Variants in IL3RA observed in about 807,000 individuals in gnomAD.
The protein encoded by IL3RA is interleukin-3 receptor subunit alpha.
A neutral mutation model predicts 52.3 loss-of-function variants in IL3RA; 73 were observed. That is an observed-to-expected ratio of 1.40 (90% CI 1.16 to 1.70). The LOEUF (loss-of-function observed/expected upper bound fraction) is 1.70. Ranked by LOEUF, IL3RA falls within the 40% of genes most tolerant of loss-of-function variation. The probability of loss-of-function intolerance (pLI) is 0.00; values close to 1 mark genes in which losing one functional copy is unlikely to be tolerated. For synonymous variants in IL3RA, 260 were observed against 194.0 expected (o/e 1.34, Z -2.83); for missense variants, 664 against 504.4 (o/e 1.32, Z -3.03).
Position 1,352,248 on chromosome X carries a change from G to A in IL3RA, c.431+16G>A. 1 of 1,613,392 alleles carries A rather than the reference G, an allele frequency of 6.2e-7. No individual in the cohort carries two copies. Among genetic ancestry groups the A allele is most frequent in the Non-Finnish European group, 8.5e-7 (1 of 1,179,542 alleles). The stretch of plus-strand genomic sequence containing the variant: ...ACGTTGCCAAGTAGGTGTGCCCGTG[G>A]GCAGAGGCCGGGCTGTCCCTGGTGC... On this transcript the variant is annotated intron_variant, in intron 5 of 11. Coordinates refer to ENST00000331035, the MANE Select transcript of IL3RA (RefSeq NM_002183.4).
rs746356787 is a variant in IL3RA at position 1,348,426 on chromosome X, C to G, written c.184-5C>G. ...GCAGCCATCATAGTCCTATGTCTCT[C>G]TTAGGCAGTGAACAATAGCTATTGC... On this transcript the variant is annotated splice_region_variant and splice_polypyrimidine_tract_variant and intron_variant, in intron 3 of 11. Coordinates refer to ENST00000331035, the MANE Select transcript of IL3RA (RefSeq NM_002183.4). 26 of 1,603,938 alleles carry G rather than the reference C, an allele frequency of 1.6e-5. No homozygotes were observed. Among genetic ancestry groups the G allele is most frequent in the Admixed American group, 3.3e-5 (2 of 59,954 alleles).
At chrX:1,354,128 T>A (rs1253521901) in intron 6 of IL3RA, among the ~76,000 whole-genome samples, 2 of 150,864 alleles carry the variant, frequency 1.3e-5, no homozygotes, top group Admixed American at 6.6e-5. Flanking sequence ...CCATCATGGG[T>A]CATGGGAGCC....
intron 2 of IL3RA, among the ~76,000 whole-genome samples, chrX:1,343,994 C>G (rs1407854850): frequency 1.3e-5 from 2 of 151,878 alleles, no homozygotes; most frequent in African/African-American, 2.4e-5. Context: ...CGGGGTTTCA[C>G]CGTGTTAGCC....
intron 8 of IL3RA, among the ~76,000 whole-genome samples, chrX:1,359,669 C>T (rs1477759256): frequency 2.0e-5 from 3 of 147,350 alleles, no homozygotes; most frequent in Non-Finnish European, 3.0e-5. Flanking sequence ...TCTCCCGCTC[C>T]GTGTCTGTCT....
At chrX:1,349,000 C>A (rs2085953198) in intron 4 of IL3RA, among the ~76,000 whole-genome samples, 1 of 149,124 alleles carries the variant, frequency 6.7e-6, no homozygotes, top group African/African-American at 2.5e-5. Context: ...CCTCCCCTCC[C>A]TTCCCCTCCT....
At chrX:1,377,594 C>T (rs1429971741) in intron 9 of IL3RA, among the ~76,000 whole-genome samples, 1 of 151,966 alleles carries the variant, frequency 6.6e-6, no homozygotes, top group African/African-American at 2.4e-5. Context: ...TATGGCAGTC[C>T]CAGCAGACAG....
In IL3RA at chrX:1,356,336, G is replaced by A. The variant is rs765810245; in HGVS notation, c.732G>A (p.Lys244=). The change falls in exon 7 of 12, where the codon AAG becomes AAA. Residue 244 remains lysine (K), a splice_region_variant and synonymous_variant. Transcript: ENST00000331035. The part of the protein sequence containing the change: ...RKFRYELQIQ[K]RMQPVITEQV... ...TTCGCTATGAGCTTCAGATACAAAAGGTAAACTTTCACCCCGCCCCCAGCC... is the reference window on the plus strand; with the variant it reads ...TTCGCTATGAGCTTCAGATACAAAAAGTAAACTTTCACCCCGCCCCCAGCC... 3.1e-6 allele frequency: 5 copies of A among 1,604,456 alleles called. No homozygotes were observed. Among genetic ancestry groups the A allele is most frequent in the South Asian group, 1.1e-5 (1 of 90,850 alleles).
intron 8 of IL3RA, among the ~76,000 whole-genome samples, chrX:1,359,917 C>G (rs1466115971): frequency 6.7e-6 from 1 of 150,274 alleles, no homozygotes; most frequent in African/African-American, 2.5e-5. Flanking sequence ...CTGTCTCTCC[C>G]TGTGTCTATC....
rs191138882 is a variant in IL3RA at position 1,344,316 on chromosome X, C to G, written c.65-1000C>G. Among the ~76,000 whole-genome samples the G allele has an allele frequency of 4.0e-5, 6 of 151,120 alleles. No homozygotes were observed. In the East Asian group the frequency reaches 1.2e-3, roughly 30 times the overall value. ...GAGTGTGGTGGCAGGCACCTGTTAT[C>G]CCAGCTGCACAGCAGGCTGACACAG... On this transcript the variant is annotated intron_variant, in intron 2 of 11. Transcript: ENST00000331035.
At position 1,348,666 on chromosome X, in the gene IL3RA, CTT is replaced by C. The variant is rs370120998; in HGVS notation, c.298+123_298+124del. ...TTTCTCTTTCTTTCTTTCTTTCTTT[CTT>C]TCTTTCTTTCTTTCTTTCTTTCTTT... is the stretch of plus-strand genomic sequence containing the variant. On this transcript the variant is annotated intron_variant, in intron 4 of 11. Coordinates refer to ENST00000331035, the MANE Select transcript of IL3RA (RefSeq NM_002183.4). 7.8e-4 allele frequency: 354 copies of C among 451,396 alleles called. 10 individuals are homozygous for C. Among genetic ancestry groups the C allele is most frequent in the African/African-American group, 1.9e-3 (37 of 19,624 alleles). The allele number at this position is 451,396 out of a possible 1,614,324, so 28.0% of individuals were successfully genotyped here.
intron 6 of IL3RA, among the ~76,000 whole-genome samples, chrX:1,354,802 T>G (rs751951860): frequency 2.8e-4 from 11 of 38,826 alleles, no homozygotes; most frequent in Non-Finnish European, 2.8e-4. Context: ...GAGGAGAGGG[T>G]GGAGGAGGAA....
chrX:1,343,666 C>CAAAA (rs760518972), intron 2 of IL3RA, among the ~76,000 whole-genome samples: 26 of 68,662 alleles, frequency 3.8e-4, no homozygotes, highest in African/African-American at 1.1e-3. Context: ...GGCTCCATCT[C>CAAAA]AAAAAAAAAA....
chrX:1,358,771 T>G, intron 7 of IL3RA, 90 bp from the exon 8 acceptor site: 1 of 1,468,336 alleles, frequency 6.8e-7, no homozygotes. Flanking sequence ...GTTTTGCTGG[T>G]TTTCCTGGAG....
rs2087868647 is a variant in IL3RA at position 1,365,328 on chromosome X, AGCGGGGTG to A, written c.874+77_874+84del. ...CGGGGTGAGCGGGGTGCGCGGGGTGAGCGGGGTGCGCGGGGTGAGCGGGGTGAGCGGGG... is the reference window on the plus strand; with the variant it reads ...CGGGGTGAGCGGGGTGCGCGGGGTGACGCGGGGTGAGCGGGGTGAGCGGGG... On this transcript the variant is annotated intron_variant, in intron 9 of 11. Transcript: ENST00000331035. 8.5e-6 allele frequency: 5 copies of A among 586,628 alleles called. No homozygotes were observed. The Admixed American group carries it at 1.6e-4, about 18-fold the overall frequency. The allele number at this position is 586,628 out of a possible 1,614,324, so 36.3% of individuals were successfully genotyped here.
At chrX:1,348,958 CCTTTCTCTCTCTCTCT>C (rs1219220281) in intron 4 of IL3RA, among the ~76,000 whole-genome samples, 2 of 149,210 alleles carry the variant, frequency 1.3e-5, no homozygotes, top group African/African-American at 4.9e-5. Context: ...TCCCTCCTTC[CCTTTCTCTCTCTCTCT>C]CTTTCTCTCT....
intron 10 of IL3RA, 42 bp downstream of exon 10, chrX:1,378,806 T>G (rs1569528366): frequency 1.3e-6 from 2 of 1,526,870 alleles, no homozygotes; most frequent in Non-Finnish European, 1.8e-6. Flanking sequence ...TTGTTTCCAG[T>G]GTGACCCTGA....
At chrX:1,361,565 C>G (rs1300273598) in intron 8 of IL3RA, among the ~76,000 whole-genome samples, 2 of 151,912 alleles carry the variant, frequency 1.3e-5, no homozygotes, top group Non-Finnish European at 1.5e-5. Context: ...GCCTGGCCAA[C>G]ATGGTGAAAC....
rs1201132905 is a variant in IL3RA at position 1,336,939 on chromosome X, C to T, written c.-39+13C>T. 5 of 152,270 alleles carry T rather than the reference C, an allele frequency of 3.3e-5. No individual in the cohort carries two copies. Among genetic ancestry groups the T allele is most frequent in the African/African-American group, 1.2e-4 (5 of 41,456 alleles). 9.4% of individuals were successfully genotyped at this position (152,270 alleles called of 1,614,324 possible). ...ATCTCCATTTAAGGTAAGGTCCCCC[C>T]TCCAGGGTGGGATGAGGGAAAAAGA... On this transcript the variant is annotated intron_variant, in intron 1 of 11. Transcript: ENST00000331035.
intron 9 of IL3RA, among the ~76,000 whole-genome samples, chrX:1,378,391 T>G (rs1320373018): frequency 6.6e-6 from 1 of 152,060 alleles, no homozygotes; most frequent in Non-Finnish European, 1.5e-5. Flanking sequence ...CAGACAGGGA[T>G]CCCTGGTGGT....
Sources: gnomAD v4.1 joint callset for allele counts (sites outside exome capture counted in the v4.1 genomes callset) on GRCh38, gnomAD v4.1.1 for gene constraint, MANE v1.5 for transcripts, NCBI Gene and HGNC (gene_info 2026-07-23, HGNC 2026-07-21) for gene names.